The following TTBK1 variants were observed in gnomAD, a reference collection of about 807,000 sequenced individuals.
The protein encoded by TTBK1 is tau tubulin kinase 1.
Under a neutral mutation model 108.5 loss-of-function variants are expected in TTBK1, and 34 were observed. The observed-to-expected ratio is 0.31, with a 90% CI of 0.24 to 0.42. The LOEUF is 0.42. Among genes scored for constraint, TTBK1 ranks in the 10% least tolerant of loss-of-function variants. The pLI, the probability that TTBK1 is intolerant of heterozygous loss-of-function variation, is 1.00. For synonymous variants in TTBK1, 809 were observed against 795.1 expected (o/e 1.02, Z -0.29); for missense variants, 1,539 against 1,826.0 (o/e 0.84, Z 2.86).
chr6:43,257,812 T>C lies in TTBK1; in HGVS notation c.862T>C (p.Leu288=), dbSNP rs573371296. 703 of 1,612,852 alleles carry C rather than the reference T, an allele frequency of 4.4e-4. 10 individuals are homozygous for C. The South Asian group carries it at 7.4e-3, about 17-fold the overall frequency. ...LDYFTKPDYQ[L]IMSVFENSMK... is the part of the protein sequence containing the mutation. ...CTCCCATCACCCTCACCCCCTGCAG[T>C]TGATCATGTCAGTGTTTGAGAACAG... The change falls in exon 10 of 15, where the codon TTG becomes CTG. Residue 288 remains leucine, a splice_region_variant and synonymous_variant. Coordinates refer to ENST00000259750, the MANE Select transcript of TTBK1 (RefSeq NM_032538.3). This position sits in a 1 kb window ranked among gnomAD's most constrained non-coding sequence, Gnocchi z 4.5.
At position 43,283,663 on chromosome 6, in the gene TTBK1, G is replaced by T. The variant is rs753609460; in HGVS notation, c.2923G>T (p.Ala975Ser). The T allele has an allele frequency of 1.9e-6, 3 of 1,613,938 alleles. No homozygotes were observed. The highest frequency in any genetic ancestry group is 8.5e-7 in the Non-Finnish European group (1 of 1,179,964). ...ASDGGAVEEG[A>S]RAPLENGLAL... ...TGATGGGGGCGCTGTGGAGGAGGGGGCCCGAGCGCCCCTGGAGAACGGCCT... is the reference window on the plus strand; with the variant it reads ...TGATGGGGGCGCTGTGGAGGAGGGGTCCCGAGCGCCCCTGGAGAACGGCCT... Residue 975 changes from alanine to serine, a missense_variant, in exon 14 of 15, where the codon GCC becomes TCC. By Grantham distance (99) the Ala-to-Ser change is moderately conservative (BLOSUM62 1). Transcript: ENST00000259750. The surrounding 1 kb of genome is among the most constrained non-coding windows in gnomAD (Gnocchi z 8.1).
At chr6:43,264,408 A>T in intron 13 of TTBK1, among the ~76,000 whole-genome samples, 1 of 152,118 alleles carries the variant, frequency 6.6e-6, no homozygotes, top group East Asian at 1.9e-4. Flanking sequence ...AAAATAAAAT[A>T]AATATAATAA....
intron 9 of TTBK1, among the ~76,000 whole-genome samples, chr6:43,256,935 C>T (rs1777397059): frequency 1.3e-5 from 2 of 152,118 alleles, no homozygotes. Flanking sequence ...TCCAAGCGTC[C>T]ATCACCACAC....
chr6:43,269,735 G>A lies in TTBK1; in HGVS notation c.1986+6385G>A. 1 of 1,608,900 alleles carries A rather than the reference G, an allele frequency of 6.2e-7. No individual in the cohort carries two copies. Among genetic ancestry groups the A allele is most frequent in the Non-Finnish European group, 8.5e-7 (1 of 1,179,462 alleles). ...CCGTGTTCTCCTCCTCCACGCTGGA[G>A]ACGGAGCATTACCCTCACCCCGGCG... On this transcript the variant is annotated intron_variant, in intron 13 of 14. Transcript: ENST00000259750. This position sits in a 1 kb window ranked among gnomAD's most constrained non-coding sequence, Gnocchi z 4.8.
rs1217654701 is a variant in TTBK1 at position 43,273,169 on chromosome 6, T to TA, written c.1987-9552dup. The stretch of plus-strand genomic sequence containing the variant: ...AGAACATTTTATTTACCAGAACATA[T>TA]AAAAAACCCACCCATGCCGAATAAT... On this transcript the variant is annotated intron_variant, in intron 13 of 14. Transcript: ENST00000259750. The surrounding 1 kb of genome is among the most constrained non-coding windows in gnomAD (Gnocchi z 4.2). Among the ~76,000 whole-genome samples, 1 of 152,142 alleles carries TA rather than the reference T, an allele frequency of 6.6e-6. No homozygotes were observed. Among genetic ancestry groups the TA allele is most frequent in the Non-Finnish European group, 1.5e-5 (1 of 68,016 alleles).
At chr6:43,245,838 G>T (rs1226070641) in intron 1 of TTBK1, among the ~76,000 whole-genome samples, 1 of 151,950 alleles carries the variant, frequency 6.6e-6, no homozygotes, top group African/African-American at 2.4e-5. Context: ...CTCCTGCTAG[G>T]CCCCTTCCAT....
intron 2 of TTBK1, among the ~76,000 whole-genome samples, chr6:43,250,245 A>G (rs1777199998): frequency 6.6e-6 from 1 of 151,582 alleles, no homozygotes; most frequent in Non-Finnish European, 1.5e-5. Context: ...CTGGGCTTGA[A>G]TCTCAGCACT....
At position 43,259,601 on chromosome 6, in the gene TTBK1, A is replaced by G. The variant is rs776144436; in HGVS notation, c.1319A>G (p.Asp440Gly). Residue 440 changes from aspartate (D) to glycine (G), a missense_variant, in exon 12 of 15, where the codon GAC becomes GGC. Around this residue, in one of 5 missense-constraint regions of TTBK1, gnomAD observed 277 missense variants for 332.4 expected, o/e 0.83. Transcript: ENST00000259750. This position sits in a 1 kb window ranked among gnomAD's most constrained non-coding sequence, Gnocchi z 6.7. ...VPSSPVRAPP[D>G]SPTTPVRSLR... is the part of the protein sequence containing the mutation. ...AGCTCCCCAGTGCGTGCCCCCCCAG[A>G]CTCCCCCACAACCCCAGTCCGTTCT... is the stretch of plus-strand genomic sequence containing the variant. 2.5e-6 allele frequency: 4 copies of G among 1,610,882 alleles called. No homozygotes were observed. The Admixed American group carries it at 6.7e-5, about 27-fold the overall frequency.
chr6:43,259,049 T>C lies in TTBK1; in HGVS notation c.1028T>C (p.Val343Ala). The change falls in exon 11 of 15, where the codon GTG becomes GCG. Residue 343 changes from valine to alanine, a missense_variant. This residue lies in a region of TTBK1 where 277 missense variants were observed against 332.4 expected (regional missense o/e 0.83). Coordinates refer to ENST00000259750, the MANE Select transcript of TTBK1 (RefSeq NM_032538.3). This position sits in a 1 kb window ranked among gnomAD's most constrained non-coding sequence, Gnocchi z 6.7. The part of the protein sequence containing the change: ...QTAAMFGVVN[V>A]TPVPGDLLRE... ...CCTGCCCTCTCCAGGGTGGTCAATG[T>C]GACGCCAGTGCCTGGGGACCTGCTC... The C allele has an allele frequency of 6.2e-7, 1 of 1,612,206 alleles. No individual in the cohort carries two copies. The highest frequency in any genetic ancestry group is 2.2e-5 in the East Asian group (1 of 44,878).
chr6:43,263,406 G>A lies in TTBK1; in HGVS notation c.1986+56G>A. 3 of 1,427,520 alleles carry A rather than the reference G, an allele frequency of 2.1e-6. No individual in the cohort carries two copies. Among genetic ancestry groups the A allele is most frequent in the Non-Finnish European group, 2.8e-6 (3 of 1,081,922 alleles). 88.4% of individuals were successfully genotyped at this position (1,427,520 alleles called of 1,614,324 possible). On this transcript the variant is annotated intron_variant, in intron 13 of 14. Transcript: ENST00000259750. This position sits in a 1 kb window ranked among gnomAD's most constrained non-coding sequence, Gnocchi z 4.7. The stretch of plus-strand genomic sequence containing the variant: ...CTCCAGATGCCCAGAGTCCTGGTGT[G>A]TAGGCCTGGGGTGCTCCATGTGTGC...
rs759326572 is a variant in TTBK1 at position 43,283,196 on chromosome 6, G to A, written c.2456G>A (p.Arg819Gln). 4.5e-6 allele frequency: 7 copies of A among 1,552,582 alleles called. No homozygotes were observed. Among genetic ancestry groups the A allele is most frequent in the South Asian group, 2.4e-5 (2 of 84,310 alleles). Residue 819 changes from arginine (R) to glutamine (Q), a missense_variant, in exon 14 of 15, where the codon CGG becomes CAG. Around this residue, in one of 5 missense-constraint regions of TTBK1, gnomAD observed 1,055 missense variants for 1,086.5 expected, o/e 0.97. Coordinates refer to ENST00000259750, the MANE Select transcript of TTBK1 (RefSeq NM_032538.3). The surrounding 1 kb of genome is among the most constrained non-coding windows in gnomAD (Gnocchi z 8.1). ...GACGATCAGAAGGAGTCCAGGGGCC[G>A]GGCCTCCATGGCCGATGGGGACCTG... Reference protein sequence around the residue: ...LADDQKESRGRASMADGDLEP... With the variant: ...LADDQKESRGQASMADGDLEP...
Position 43,271,108 on chromosome 6 carries a change from C to T in TTBK1, c.1986+7758C>T, listed in dbSNP as rs193065068. The T allele has an allele frequency of 8.1e-6, 8 of 985,498 alleles. No homozygotes were observed. In the Admixed American group the frequency reaches 2.5e-4, roughly 30 times the overall value. 61.0% of individuals were successfully genotyped at this position (985,498 alleles called of 1,614,324 possible). ...CAAGTTTCCCTTTATTCATCCTGCC[C>T]ATGTCAGCCAGCACCTCTGTTCCCC... On this transcript the variant is annotated intron_variant, in intron 13 of 14. Transcript: ENST00000259750.
intron 2 of TTBK1, among the ~76,000 whole-genome samples, chr6:43,250,858 G>A (rs917429154): frequency 1.3e-5 from 2 of 152,108 alleles, no homozygotes; most frequent in South Asian, 2.1e-4. Context: ...CTCTGTTCTC[G>A]CACAAGCAAA....
chr6:43,246,621 C>T lies in TTBK1; in HGVS notation c.-40C>T. On this transcript the variant is annotated 5_prime_UTR_variant, in exon 2 of 15. Coordinates refer to ENST00000259750, the MANE Select transcript of TTBK1 (RefSeq NM_032538.3). ...CACTCCCCTAGGTAGATGGCCCCCT[C>T]AGGGCAGGCCCGGCGGACACCCCTC... The T allele has an allele frequency of 6.5e-7, 1 of 1,535,910 alleles. No individual in the cohort carries two copies. Among genetic ancestry groups the T allele is most frequent in the Non-Finnish European group, 8.9e-7 (1 of 1,127,928 alleles).
Position 43,259,810 on chromosome 6 carries a change from T to G in TTBK1, c.1424+104T>G, listed in dbSNP as rs1388497860. 11 of 1,221,418 alleles carry G rather than the reference T, an allele frequency of 9.0e-6. No individual in the cohort carries two copies. The highest frequency in any genetic ancestry group is 1.2e-5 in the Non-Finnish European group (11 of 895,288). 75.7% of individuals were successfully genotyped at this position (1,221,418 alleles called of 1,614,324 possible). A position where few individuals can be genotyped will look rare whatever the true frequency, so the allele number is the denominator to read the frequency against. On this transcript the variant is annotated intron_variant, in intron 12 of 14. Coordinates refer to ENST00000259750, the MANE Select transcript of TTBK1 (RefSeq NM_032538.3). The surrounding 1 kb of genome is among the most constrained non-coding windows in gnomAD (Gnocchi z 6.7). ...ATGTGTGGCGGAGGTGGGCAGACCC[T>G]GGGAAGTGCTGAGAGGGTTATACTT...
chr6:43,248,701 C>T (rs536734385), intron 2 of TTBK1, among the ~76,000 whole-genome samples: 13 of 152,088 alleles, frequency 8.5e-5, no homozygotes, highest in Non-Finnish European at 1.5e-4. Context: ...CCAGCCTGGG[C>T]GACAGAGCAA....
At chr6:43,252,972 GGGA>G in intron 3 of TTBK1, 86 bp downstream of exon 3, 3 of 1,502,838 alleles carry the variant, frequency 2.0e-6, no homozygotes, top group Non-Finnish European at 1.8e-6. Flanking sequence ...GCTGGGGTGA[GGGA>G]GGAGATGTCG....
At chr6:43,266,323 C>T (rs1777675821) in intron 13 of TTBK1, among the ~76,000 whole-genome samples, 1 of 152,192 alleles carries the variant, frequency 6.6e-6, no homozygotes, top group African/African-American at 2.4e-5. Context: ...ACCACAGATG[C>T]CTAGAATGTC....
In TTBK1 at chr6:43,243,596, C is replaced by A; in HGVS notation, c.-167C>A. The A allele has an allele frequency of 6.6e-6, 1 of 152,102 alleles. No individual in the cohort carries two copies. The highest frequency in any genetic ancestry group is 1.8e-4 in the South Asian group (1 of 5,576). The allele number at this position is 152,102 out of a possible 1,614,324, so 9.4% of individuals were successfully genotyped here. On this transcript the variant is annotated 5_prime_UTR_variant, in exon 1 of 15. Transcript: ENST00000259750. The surrounding 1 kb of genome is among the most constrained non-coding windows in gnomAD (Gnocchi z 5.5). ...GCCGCCGCCGCCGGAGGGAGCGGGT[C>A]ACCCAACGCCGCACTGAGCCGCCCC...
Sources: gnomAD v4.1 joint callset for allele counts (sites outside exome capture counted in the v4.1 genomes callset) on GRCh38, gnomAD v4.1.1 for gene constraint, gnomAD v4.1.1 regional missense constraint, Gnocchi (gnomAD v3.1) non-coding constraint, MANE v1.5 for transcripts, NCBI Gene and HGNC (gene_info 2026-07-23, HGNC 2026-07-21) for gene names.